Variants in RBFOX1 observed in about 807,000 individuals in gnomAD.
The protein encoded by RBFOX1 is RNA binding fox-1 homolog 1.
RBFOX1 carries 8 observed loss-of-function variants against 57.7 expected under a neutral mutation model. The observed-to-expected ratio is 0.14, with a 90% confidence interval of 0.08 to 0.25. The LOEUF is 0.25. Ranked by LOEUF, RBFOX1 falls within the 10% of genes least tolerant of loss-of-function variation. RBFOX1 has a pLI of 1.00. For synonymous variants in RBFOX1, 326 were observed against 222.4 expected (o/e 1.47, Z -4.15); for missense variants, 611 against 548.5 (o/e 1.11, Z -1.14).
intron 14 of RBFOX1, among the ~76,000 whole-genome samples, chr16:7,679,846 G>T (rs2146626172): frequency 6.6e-6 from 1 of 152,082 alleles, no homozygotes; most frequent in Non-Finnish European, 1.5e-5. Flanking sequence ...TTCCCCAAAA[G>T]AAAAATACCT....
intron 4 of RBFOX1, among the ~76,000 whole-genome samples, chr16:7,201,453 T>A (rs1190096235): frequency 1.2e-4 from 2 of 17,294 alleles, no homozygotes; most frequent in Non-Finnish European, 2.3e-4. Context: ...GATCTGATTC[T>A]TTTTTTTTTT....
intron 2 of RBFOX1, among the ~76,000 whole-genome samples, chr16:6,400,293 T>C (rs1272975217): frequency 1.3e-5 from 2 of 152,208 alleles, no homozygotes; most frequent in Admixed American, 6.5e-5. Flanking sequence ...TCAGTAATTA[T>C]AACGTACCTA....
chr16:7,587,758 G>A (rs116201346), intron 7 of RBFOX1, among the ~76,000 whole-genome samples: 2,488 of 152,190 alleles, frequency 0.016, 59 homozygotes, highest in African/African-American at 0.057. Flanking sequence ...TATGTTTACC[G>A]ATCCACATTT....
intron 2 of RBFOX1, among the ~76,000 whole-genome samples, chr16:5,520,991 A>G (rs2043990053): frequency 6.6e-6 from 1 of 152,182 alleles, no homozygotes; most frequent in Admixed American, 6.5e-5. Context: ...AGAAAAGCAT[A>G]TTGTTAAAGT....
intron 3 of RBFOX1, among the ~76,000 whole-genome samples, chr16:5,622,321 T>G (rs1446415251): frequency 6.6e-6 from 1 of 152,220 alleles, no homozygotes; most frequent in Non-Finnish European, 1.5e-5. Flanking sequence ...ACATTAATTA[T>G]GCATAATTAA....
At chr16:6,040,033 A>G (rs2095419325) in intron 1 of RBFOX1, among the ~76,000 whole-genome samples, 1 of 152,206 alleles carries the variant, frequency 6.6e-6, no homozygotes, top group Non-Finnish European at 1.5e-5. Flanking sequence ...GAGAGAGTCC[A>G]TGACTTTTTT....
intron 3 of RBFOX1, among the ~76,000 whole-genome samples, chr16:7,029,066 ATATATATATATATAT>A (rs2041910032): frequency 2.9e-5 from 1 of 34,492 alleles, no homozygotes; most frequent in African/African-American, 2.0e-4. Flanking sequence ...ATATATATAT[ATATATATATATATAT>A]ACACACACAC....
chr16:6,293,364 C>A (rs1237280646), intron 1 of RBFOX1, among the ~76,000 whole-genome samples: 4 of 152,190 alleles, frequency 2.6e-5, no homozygotes, highest in African/African-American at 9.7e-5. Context: ...TCTTCATCTT[C>A]TCCAGCAAAA....
At chr16:5,252,031 C>G (rs2062465030) in intron 1 of RBFOX1, among the ~76,000 whole-genome samples, 2 of 152,158 alleles carry the variant, frequency 1.3e-5, no homozygotes, top group Non-Finnish European at 2.9e-5. Flanking sequence ...GCTGTAGCCC[C>G]CGCTGAGCTG....
chr16:6,849,538 G>T (rs184576392), intron 3 of RBFOX1, among the ~76,000 whole-genome samples: 1 of 152,210 alleles, frequency 6.6e-6, no homozygotes, highest in East Asian at 1.9e-4. Context: ...GTATGGTGGT[G>T]CATGCCTGTA....
intron 3 of RBFOX1, among the ~76,000 whole-genome samples, chr16:6,795,120 C>A (rs761676078): frequency 1.3e-5 from 2 of 152,130 alleles, no homozygotes; most frequent in Non-Finnish European, 2.9e-5. Context: ...TATCTACTTT[C>A]CTCCTCAGAA....
intron 9 of RBFOX1, among the ~76,000 whole-genome samples, chr16:7,600,899 C>CA (rs2094977461): frequency 1.3e-5 from 2 of 152,166 alleles, no homozygotes; most frequent in African/African-American, 2.4e-5. Flanking sequence ...GAGCCGTAGG[C>CA]TTCTGGACAT....
chr16:7,464,544 A>G (rs544904943), intron 4 of RBFOX1, among the ~76,000 whole-genome samples: 1 of 152,126 alleles, frequency 6.6e-6, no homozygotes, highest in South Asian at 2.1e-4. Context: ...CCTTTCAGGG[A>G]CATCTACAAG....
intron 3 of RBFOX1, among the ~76,000 whole-genome samples, chr16:7,047,510 A>T (rs549211870): frequency 6.6e-6 from 1 of 152,004 alleles, no homozygotes; most frequent in South Asian, 2.1e-4. Flanking sequence ...TACCAATATG[A>T]CTGTGATATA....
intron 14 of RBFOX1, among the ~76,000 whole-genome samples, chr16:7,692,083 T>C (rs968330973): frequency 1.3e-5 from 2 of 152,076 alleles, no homozygotes; most frequent in Admixed American, 6.6e-5. Flanking sequence ...TCCTCTAACA[T>C]AGGGAATCTG....
intron 3 of RBFOX1, among the ~76,000 whole-genome samples, chr16:6,901,285 C>G (rs940769879): frequency 6.6e-6 from 1 of 152,190 alleles, no homozygotes; most frequent in South Asian, 2.1e-4. Flanking sequence ...TGTCTAAGCC[C>G]ATCCCTCTCC....
chr16:7,280,385 A>G (rs2095517804), intron 4 of RBFOX1, among the ~76,000 whole-genome samples: 1 of 152,224 alleles, frequency 6.6e-6, no homozygotes, highest in African/African-American at 2.4e-5. Flanking sequence ...TTGGTTAAGA[A>G]AGACATGCAC....
At chr16:6,178,391 A>T (rs1326674721) in intron 1 of RBFOX1, among the ~76,000 whole-genome samples, 1 of 151,564 alleles carries the variant, frequency 6.6e-6, no homozygotes, top group African/African-American at 2.4e-5. Context: ...TGCCATGTTG[A>T]CCAGGCTGGA....
chr16:6,845,355 T>A (rs1238365638), intron 3 of RBFOX1, among the ~76,000 whole-genome samples: 4 of 151,404 alleles, frequency 2.6e-5, no homozygotes. Context: ...TTAATTTTTG[T>A]GTATTGTGTA....
Sources: allele counts gnomAD v4.1 joint callset (sites outside exome capture counted in the v4.1 genomes callset), GRCh38; gene constraint gnomAD v4.1.1; transcripts MANE v1.5; gene names NCBI Gene and HGNC (gene_info 2026-07-23, HGNC 2026-07-21).